The following CPEB3 variants were observed in gnomAD, a reference collection of about 807,000 sequenced individuals.
CPEB3 encodes cytoplasmic polyadenylation element binding protein 3.
Under a neutral mutation model 67.2 loss-of-function variants are expected in CPEB3, and 20 were observed. The observed-to-expected ratio is 0.30, with a 90% confidence interval of 0.21 to 0.43. The LOEUF is 0.43. Among genes scored for constraint, CPEB3 ranks in the 20% least tolerant of loss-of-function variants. CPEB3 has a pLI of 1.00. For synonymous variants in CPEB3, 376 were observed against 393.1 expected (o/e 0.96, Z 0.51); for missense variants, 746 against 968.6 (o/e 0.77, Z 3.05).
intron 2 of CPEB3, among the ~76,000 whole-genome samples, chr10:92,231,485 ACCT>A (rs1201878491): frequency 6.7e-6 from 1 of 150,322 alleles, no homozygotes; most frequent in African/African-American, 2.5e-5. Context: ...CTCCCCTCCC[ACCT>A]CCTCCTTTTC....
At chr10:92,052,569 T>A in intron 9 of CPEB3, 130 bp from the exon 10 acceptor site, 1 of 725,298 alleles carries the variant, frequency 1.4e-6, no homozygotes. Context: ...CTGCTGATAC[T>A]GGATGGTGGT....
chr10:92,131,530 A>G (rs1845842398), intron 6 of CPEB3, among the ~76,000 whole-genome samples: 1 of 152,220 alleles, frequency 6.6e-6, no homozygotes, highest in African/African-American at 2.4e-5. Flanking sequence ...TGGAAAGAGA[A>G]ACTGATAGTC....
At chr10:92,151,854 A>G (rs771973918) in intron 4 of CPEB3, among the ~76,000 whole-genome samples, 1 of 152,130 alleles carries the variant, frequency 6.6e-6, no homozygotes, top group Non-Finnish European at 1.5e-5. Flanking sequence ...TCTATCTTTA[A>G]TTTGTTCACT....
chr10:92,143,291 T>C (rs1846526967), intron 5 of CPEB3, among the ~76,000 whole-genome samples, 173 bp from the exon 6 acceptor site: 1 of 152,174 alleles, frequency 6.6e-6, no homozygotes. Flanking sequence ...TGGGTGTACA[T>C]TTGGTTATTC....
intron 9 of CPEB3, among the ~76,000 whole-genome samples, chr10:92,055,196 C>T (rs532780707): frequency 6.6e-6 from 1 of 152,334 alleles, no homozygotes; most frequent in African/African-American, 2.4e-5. Flanking sequence ...ATTAATAAAA[C>T]AGCACCTTCT....
At chr10:92,215,090 C>CAT (rs1564874765) in intron 2 of CPEB3, among the ~76,000 whole-genome samples, 12 of 151,682 alleles carry the variant, frequency 7.9e-5, no homozygotes, top group African/African-American at 2.2e-4. Context: ...TCAAGTGATC[C>CAT]ACCCACCTTG....
At chr10:92,166,853 G>T (rs747903326) in intron 4 of CPEB3, among the ~76,000 whole-genome samples, 11 of 152,196 alleles carry the variant, frequency 7.2e-5, no homozygotes, top group Non-Finnish European at 1.3e-4. Context: ...GTCCTAGATG[G>T]CATCTTCTTC....
At chr10:92,108,169 G>GA (rs1174978680) in intron 7 of CPEB3, among the ~76,000 whole-genome samples, 4 of 152,116 alleles carry the variant, frequency 2.6e-5, no homozygotes, top group Non-Finnish European at 1.5e-5. Flanking sequence ...GGGAGGGTCA[G>GA]AAAAAATGAA....
intron 2 of CPEB3, among the ~76,000 whole-genome samples, chr10:92,223,387 C>T (rs962445271): frequency 2.6e-5 from 4 of 152,080 alleles, no homozygotes; most frequent in Non-Finnish European, 4.4e-5. Flanking sequence ...CACTCTAAAA[C>T]CCACCTGATT....
At chr10:92,234,835 G>C (rs1851449262) in intron 2 of CPEB3, among the ~76,000 whole-genome samples, 1 of 152,110 alleles carries the variant, frequency 6.6e-6, no homozygotes, top group South Asian at 2.1e-4. Context: ...TGAGGCAGGA[G>C]AATCTCTTGA....
intron 4 of CPEB3, among the ~76,000 whole-genome samples, chr10:92,175,927 T>C (rs1848203757): frequency 6.6e-6 from 1 of 152,066 alleles, no homozygotes; most frequent in Admixed American, 6.6e-5. Context: ...CCATCTCTAC[T>C]AAAAATACAA....
intron 1 of CPEB3, among the ~76,000 whole-genome samples, chr10:92,243,804 C>G (rs1247985662): frequency 6.6e-6 from 1 of 152,122 alleles, no homozygotes; most frequent in Non-Finnish European, 1.5e-5. Flanking sequence ...GTGATATCAA[C>G]CTTAGAGGTC....
At chr10:92,090,211 C>T (rs1843556063) in intron 8 of CPEB3, among the ~76,000 whole-genome samples, 1 of 152,030 alleles carries the variant, frequency 6.6e-6, no homozygotes, top group South Asian at 2.1e-4. Flanking sequence ...TTTCAGATTC[C>T]TATCTAGGAA....
chr10:92,065,924 C>G (rs536897193), intron 9 of CPEB3, among the ~76,000 whole-genome samples: 3 of 151,810 alleles, frequency 2.0e-5, no homozygotes, highest in African/African-American at 7.3e-5. Flanking sequence ...TGAGACCCCC[C>G]CTCTCTATCA....
intron 2 of CPEB3, among the ~76,000 whole-genome samples, chr10:92,195,046 A>ACACACACAC (rs1564855307): frequency 4.9e-4 from 57 of 117,148 alleles, no homozygotes; most frequent in African/African-American, 1.4e-3. Flanking sequence ...TGTCTCAAAA[A>ACACACACAC]ACACACACAC....
chr10:92,167,871 GC>G (rs1353488359), intron 4 of CPEB3, among the ~76,000 whole-genome samples: 6 of 151,886 alleles, frequency 4.0e-5, no homozygotes, highest in Admixed American at 1.3e-4. Flanking sequence ...CTGCACCACT[GC>G]ACTCCAGCCT....
At position 92,203,416 on chromosome 10, in the gene CPEB3, G is replaced by GTA. The variant is rs1293283096; in HGVS notation, c.1006-10782_1006-10781dup. 8.5e-5 allele frequency among the ~76,000 whole-genome samples: 12 copies of GTA among 141,018 alleles called. No individual in the cohort carries two copies. In the East Asian group the frequency reaches 1.0e-3, roughly 12 times the overall value. The allele number at this position is 141,018 out of a possible 152,430, so 92.5% of individuals were successfully genotyped here. ...TATATATACGTATATATATGTATAT[G>GTA]TATATATATACGTATATATGTATAT... On this transcript the variant is annotated intron_variant, in intron 2 of 9. Coordinates refer to ENST00000265997, the MANE Select transcript of CPEB3 (RefSeq NM_014912.5).
chr10:92,178,564 G>C (rs1388058096), intron 4 of CPEB3, among the ~76,000 whole-genome samples: 1 of 152,160 alleles, frequency 6.6e-6, no homozygotes, highest in African/African-American at 2.4e-5. Flanking sequence ...AGAAAGACCA[G>C]GTGTGGTGGC....
intron 1 of CPEB3, among the ~76,000 whole-genome samples, chr10:92,246,700 G>C (rs1404864107): frequency 6.6e-6 from 1 of 151,884 alleles, no homozygotes; most frequent in African/African-American, 2.4e-5. Flanking sequence ...AGTAGAGACG[G>C]GGTTTCACCG....
Sources: allele counts gnomAD v4.1 joint callset (sites outside exome capture counted in the v4.1 genomes callset), GRCh38; gene constraint gnomAD v4.1.1; transcripts MANE v1.5; gene names NCBI Gene and HGNC (gene_info 2026-07-23, HGNC 2026-07-21).